The following HOXC4 variants were observed in gnomAD, a reference collection of about 807,000 sequenced individuals.
HOXC4 encodes homeobox C4.
HOXC4 carries 15 observed loss-of-function variants against 25.5 expected under a neutral mutation model. The observed-to-expected ratio is 0.59, with a 90% CI of 0.39 to 0.91. The LOEUF (loss-of-function observed/expected upper bound fraction) is 0.91, where lower values mean the gene tolerates loss of function less well. HOXC4 is among the 40% of genes least tolerant of loss of function. The pLI, the probability that HOXC4 is intolerant of heterozygous loss-of-function variation, is 0.00. For missense variants in HOXC4, 342 were observed against 352.4 expected, an observed-to-expected ratio of 0.97 and a Z score of 0.24; for synonymous variants, 165 against 148.0, an observed-to-expected ratio of 1.11 and a Z score of -0.83.
intron 1 of HOXC4, among the ~76,000 whole-genome samples, chr12:54,039,063 A>G (rs912908462): frequency 1.3e-5 from 2 of 152,114 alleles, no homozygotes; most frequent in African/African-American, 4.8e-5. Flanking sequence ...CAACATGTGA[A>G]TTCAGGCTCC....
upstream of HOXC4, among the ~76,000 whole-genome samples, chr12:54,052,734 C>G (rs1477973183): frequency 1.3e-5 from 2 of 152,176 alleles, no homozygotes; most frequent in African/African-American, 4.8e-5. Flanking sequence ...GCCTCCCCAA[C>G]TTGGTGAGCT....
chr12:54,046,315 G>A (rs751777391), intron 1 of HOXC4, among the ~76,000 whole-genome samples: 10 of 152,124 alleles, frequency 6.6e-5, no homozygotes, highest in Non-Finnish European at 1.5e-5. Context: ...CCGCGGCTTT[G>A]ACTAATGATT....
upstream of HOXC4, chr12:54,053,566 G>A (rs1592249644): frequency 4.0e-6 from 1 of 250,666 alleles, no homozygotes; most frequent in East Asian, 1.1e-4. Context: ...ACTGCCTCCC[G>A]ACAGTCCCCC....
At chr12:54,039,885 T>G (rs2136455602) in intron 1 of HOXC4, among the ~76,000 whole-genome samples, 1 of 152,186 alleles carries the variant, frequency 6.6e-6, no homozygotes, top group South Asian at 2.1e-4. Context: ...TCCCTTCCTC[T>G]CTGTGTAGAC....
In HOXC4 at chr12:54,053,985, A is replaced by G. The variant is rs1937907024; in HGVS notation, c.63A>G (p.Glu21=). The G allele has an allele frequency of 6.2e-7, 1 of 1,614,060 alleles. No homozygotes were observed. Among genetic ancestry groups the G allele is most frequent in the South Asian group, 1.1e-5 (1 of 91,088 alleles). The change falls in exon 1 of 2, where the codon GAA becomes GAG. Residue 21 remains glutamate, a synonymous_variant. Transcript: ENST00000430889. ...TCGATCCGAAATTTCCTCCATGCGAAGAATATTCGCAAAATAGCTACATCC... is the reference window on the plus strand; with the variant it reads ...TCGATCCGAAATTTCCTCCATGCGAGGAATATTCGCAAAATAGCTACATCC... ...NYIDPKFPPC[E]EYSQNSYIPE...
At position 54,029,521 on chromosome 12, in the gene HOXC4, G is replaced by A. The variant is rs1041274442; in HGVS notation, c.-124+12107G>A. 57 of 867,670 alleles carry A rather than the reference G, an allele frequency of 6.6e-5. 1 individual carries two copies. The Middle Eastern group carries it at 1.7e-3, about 25-fold the overall frequency. 53.7% of individuals were successfully genotyped at this position (867,670 alleles called of 1,614,324 possible). Reference sequence around the variant, plus strand: ...CCAGTGGGGGTGGGGCAAGGCAAAAGGGAGAAGGCTAGAGCCCTAAGGAGG... The same window carrying A: ...CCAGTGGGGGTGGGGCAAGGCAAAAAGGAGAAGGCTAGAGCCCTAAGGAGG... On this transcript the variant is annotated intron_variant, in intron 1 of 3. Coordinates refer to the HOXC4 transcript ENST00000303406.
intron 1 of HOXC4, chr12:54,033,479 AGAGGAG>A (rs771438592): frequency 1.3e-6 from 2 of 1,595,790 alleles, no homozygotes; most frequent in Non-Finnish European, 1.7e-6. Flanking sequence ...GGGAGATCAA[AGAGGAG>A]CAGGCGCAGA....
At position 54,054,954 on chromosome 12, in the gene HOXC4, A is replaced by T; in HGVS notation, c.544A>T (p.Thr182Ser). ...AGAGTTTCATTACAACCGCTACCTGACCCGAAGGAGAAGGATCGAGATCGC... is the reference window on the plus strand; with the variant it reads ...AGAGTTTCATTACAACCGCTACCTGTCCCGAAGGAGAAGGATCGAGATCGC... ...EKEFHYNRYL[T>S]RRRRIEIAHS... The change falls in exon 2 of 2, where the codon ACC (threonine) becomes TCC (serine). Residue 182 changes from threonine (T) to serine (S), a missense_variant. By Grantham distance (58) the Thr-to-Ser change is moderately conservative. Coordinates refer to ENST00000430889, the MANE Select transcript of HOXC4 (RefSeq NM_153633.3). 1 of 1,613,992 alleles carries T rather than the reference A, an allele frequency of 6.2e-7. No homozygotes were observed. The highest frequency in any genetic ancestry group is 1.1e-5 in the South Asian group (1 of 91,070).
At chr12:54,020,164 T>C (rs545535683) in intron 1 of HOXC4, 8 of 152,374 alleles carry the variant, frequency 5.3e-5, no homozygotes, top group Admixed American at 1.3e-4. Flanking sequence ...TGGTCCTTCC[T>C]GCAGGAGAGC....
rs1937908477 is a variant in HOXC4, at chr12:54,054,026, A to G, written c.104A>G (p.Glu35Gly). Reference sequence around the variant, plus strand: ...AGCTACATCCCTGAACACAGTCCGGAATATTACGGCCGGACCAGGGAATCG... The same window carrying G: ...AGCTACATCCCTGAACACAGTCCGGGATATTACGGCCGGACCAGGGAATCG... Reference protein sequence around the residue: ...QNSYIPEHSPEYYGRTRESGF... With the variant: ...QNSYIPEHSPGYYGRTRESGF... Residue 35 changes from glutamate to glycine, a missense_variant, in exon 1 of 2, where the codon GAA becomes GGA. Physicochemically the swap from Glu to Gly is moderately conservative, Grantham distance 98. Transcript: ENST00000430889. The G allele has an allele frequency of 6.2e-7, 1 of 1,613,462 alleles. No individual in the cohort carries two copies. The highest frequency in any genetic ancestry group is 8.5e-7 in the Non-Finnish European group (1 of 1,179,356).
intron 1 of HOXC4, chr12:54,030,017 C>A (rs1006773536): frequency 2.1e-6 from 3 of 1,402,984 alleles, no homozygotes; most frequent in Non-Finnish European, 2.9e-6. Context: ...CCCACCAACT[C>A]TCCCCTAATC....
chr12:54,034,150 G>A, intron 1 of HOXC4: 1 of 910,704 alleles, frequency 1.1e-6, no homozygotes, highest in Non-Finnish European at 1.8e-6. Flanking sequence ...TGCGGCCCGC[G>A]TGGCCTGTCT....
At chr12:54,034,055 TC>T (rs1432230890) in intron 1 of HOXC4, 1 of 702,054 alleles carries the variant, frequency 1.4e-6, no homozygotes, top group Admixed American at 2.0e-5. Context: ...CCTCAGCCCC[TC>T]CGGCTGCAGA....
In HOXC4 at chr12:54,033,412, G is replaced by T; in HGVS notation, c.-124+15998G>T. 2 of 1,610,304 alleles carry T rather than the reference G, an allele frequency of 1.2e-6. No homozygotes were observed. Among genetic ancestry groups the T allele is most frequent in the Non-Finnish European group, 1.7e-6 (2 of 1,178,744 alleles). On this transcript the variant is annotated intron_variant, in intron 1 of 3. Coordinates refer to the HOXC4 transcript ENST00000303406. Reference sequence around the variant, plus strand: ...GACGAAGCGGCTCCTCTGAACCCCGGGATGTACAGTCAGAAGGCGGCTCGC... The same window carrying T: ...GACGAAGCGGCTCCTCTGAACCCCGTGATGTACAGTCAGAAGGCGGCTCGC...
At chr12:54,045,703 C>G (rs937059003) in intron 1 of HOXC4, among the ~76,000 whole-genome samples, 11 of 152,194 alleles carry the variant, frequency 7.2e-5, no homozygotes, top group African/African-American at 2.7e-4. Context: ...CTGTCTCCCT[C>G]TCTATCTCTG....
At chr12:54,041,909 C>A (rs145197667) in intron 1 of HOXC4, among the ~76,000 whole-genome samples, 2 of 151,910 alleles carry the variant, frequency 1.3e-5, no homozygotes, top group African/African-American at 2.4e-5. Context: ...GTAATCCACA[C>A]GCCTCATCCT....
chr12:54,019,796 C>G (rs1017449494), intron 1 of HOXC4: 3 of 152,078 alleles, frequency 2.0e-5, no homozygotes, highest in African/African-American at 7.2e-5. Flanking sequence ...CTTAACAGCA[C>G]CATCCTGAGG....
upstream of HOXC4, among the ~76,000 whole-genome samples, chr12:54,050,690 C>T (rs1203752859): frequency 2.6e-5 from 4 of 152,086 alleles, no homozygotes; most frequent in African/African-American, 9.7e-5. Flanking sequence ...GACTTCCTTG[C>T]TATTAAGCTA....
chr12:54,037,674 A>G (rs1279569332), intron 1 of HOXC4, among the ~76,000 whole-genome samples: 1 of 152,262 alleles, frequency 6.6e-6, no homozygotes, highest in East Asian at 1.9e-4. Context: ...GAACAGCACC[A>G]GGGCTTTTTA....
Sources: gnomAD v4.1 joint callset for allele counts (sites outside exome capture counted in the v4.1 genomes callset) on GRCh38, gnomAD v4.1.1 for gene constraint, MANE v1.5 for transcripts, NCBI Gene and HGNC (gene_info 2026-07-23, HGNC 2026-07-21) for gene names.